Variants in PARVB observed in about 807,000 individuals in gnomAD.
PARVB encodes the protein parvin beta.
Under a neutral mutation model 47.0 loss-of-function variants are expected in PARVB, and 46 were observed. That is an observed-to-expected ratio of 0.98 (90% CI 0.77 to 1.25). The LOEUF (loss-of-function observed/expected upper bound fraction) is 1.25, where lower values mean the gene tolerates loss of function less well. Ranked by LOEUF, PARVB falls within the 50% of genes most tolerant of loss-of-function variation. The pLI, the probability that PARVB is intolerant of heterozygous loss-of-function variation, is 0.00. For synonymous variants in PARVB, 196 were observed against 196.3 expected (o/e 1.00, Z 0.01); for missense variants, 473 against 471.6 (o/e 1.00, Z -0.03).
intron 1 of PARVB, among the ~76,000 whole-genome samples, chr22:44,031,144 G>A (rs1443480913): frequency 1.3e-5 from 2 of 152,156 alleles, no homozygotes; most frequent in African/African-American, 4.8e-5. Context: ...GTTTGGGGAT[G>A]GACAGCTGTT....
At chr22:44,138,553 C>T (rs943698830) in intron 7 of PARVB, among the ~76,000 whole-genome samples, 15 of 152,164 alleles carry the variant, frequency 9.9e-5, no homozygotes, top group African/African-American at 2.2e-4. Context: ...GAGGCTCTGA[C>T]GGAACATTTG....
chr22:44,129,205 G>A (rs1012949880), intron 4 of PARVB, among the ~76,000 whole-genome samples: 3 of 152,332 alleles, frequency 2.0e-5, no homozygotes, highest in Non-Finnish European at 2.9e-5. Context: ...TGCACAGAGG[G>A]AGACCAAGTA....
At chr22:44,144,662 G>A (rs1394243211) in intron 8 of PARVB, 1 of 152,248 alleles carries the variant, frequency 6.6e-6, no homozygotes, top group Admixed American at 6.5e-5. Flanking sequence ...GCCAGGTGTG[G>A]TGGTGCATGC....
At chr22:44,067,412 A>G (rs1039856872) in intron 1 of PARVB, among the ~76,000 whole-genome samples, 4 of 152,106 alleles carry the variant, frequency 2.6e-5, no homozygotes, top group Non-Finnish European at 5.9e-5. Context: ...ATCCTCTGTT[A>G]TTTCTGCCTC....
At chr22:44,135,873 CTCTG>C (rs2053431023) in intron 6 of PARVB, among the ~76,000 whole-genome samples, 1 of 152,208 alleles carries the variant, frequency 6.6e-6, no homozygotes, top group African/African-American at 2.4e-5. Context: ...GGCCTCCTCC[CTCTG>C]TCTGTTTCTG....
intron 1 of PARVB, among the ~76,000 whole-genome samples, chr22:44,042,084 C>G (rs1366491114): frequency 6.6e-6 from 1 of 152,038 alleles, no homozygotes; most frequent in African/African-American, 2.4e-5. Context: ...AAATAATAAA[C>G]ATACAATGAG....
intron 10 of PARVB, among the ~76,000 whole-genome samples, chr22:44,154,726 C>G (rs2053886441): frequency 8.3e-6 from 1 of 120,772 alleles, no homozygotes; most frequent in Admixed American, 9.1e-5. Flanking sequence ...GTTAAGTAGT[C>G]TGTGTGGTGT....
rs1418591705 is a variant in PARVB, at chr22:44,049,420, G to A, written c.112+24969G>A. On this transcript the variant is annotated intron_variant, in intron 1 of 12. Coordinates refer to ENST00000338758, the MANE Select transcript of PARVB (RefSeq NM_013327.5). This position sits in a 1 kb window ranked among gnomAD's most constrained non-coding sequence, Gnocchi z 4.0. The stretch of plus-strand genomic sequence containing the variant: ...TTAGCTCCTGTCTGATTAAATTTGA[G>A]GTTCGTTTCTCAAGTTTAGCTCTTG... Among the ~76,000 whole-genome samples, 2 of 152,202 alleles carry A rather than the reference G, an allele frequency of 1.3e-5. No individual in the cohort carries two copies. The highest frequency in any genetic ancestry group is 4.8e-5 in the African/African-American group (2 of 41,454).
chr22:44,030,935 G>T (rs1053262567), intron 1 of PARVB, among the ~76,000 whole-genome samples: 10 of 152,142 alleles, frequency 6.6e-5, no homozygotes, highest in African/African-American at 2.4e-4. Context: ...GGGAGTGGCT[G>T]GTCCGAAGTT....
At chr22:44,032,134 C>T (rs983008964) in intron 1 of PARVB, among the ~76,000 whole-genome samples, 1 of 152,170 alleles carries the variant, frequency 6.6e-6, no homozygotes, top group Non-Finnish European at 1.5e-5. Flanking sequence ...TAAAAGAAGG[C>T]GGACACAATG....
upstream of PARVB, among the ~76,000 whole-genome samples, chr22:44,021,146 G>A (rs1219359321): frequency 2.6e-5 from 4 of 152,166 alleles, no homozygotes; most frequent in Admixed American, 6.5e-5. Flanking sequence ...CAACCATGTC[G>A]AAGTGTGATT....
At chr22:44,046,180 A>T (rs1360372994) in intron 1 of PARVB, among the ~76,000 whole-genome samples, 1 of 152,164 alleles carries the variant, frequency 6.6e-6, no homozygotes, top group Non-Finnish European at 1.5e-5. Flanking sequence ...TGCTGTTGTC[A>T]GTGGGATTGT....
chr22:44,009,513 G>A (rs928573360), intron 2 of PARVB: 2 of 151,900 alleles, frequency 1.3e-5, no homozygotes, highest in Non-Finnish European at 1.5e-5. Flanking sequence ...ATTCCCCATT[G>A]ACAAAGTATT....
At position 44,113,457 on chromosome 22, in the gene PARVB, T is replaced by G. The variant is rs1452510183; in HGVS notation, c.274-5581T>G. 2 of 62,744 alleles carry G rather than the reference T, an allele frequency of 3.2e-5. 1 individual carries two copies. Among genetic ancestry groups the G allele is most frequent in the Non-Finnish European group, 5.9e-5 (2 of 34,028 alleles). The allele number at this position is 62,744 out of a possible 1,614,324, so 3.9% of individuals were successfully genotyped here. ...GCCCTGTACCAACACAGATACATTG[T>G]TACTAACTAAGGCCCTGCACCAACA... On this transcript the variant is annotated intron_variant, in intron 3 of 12. Coordinates refer to ENST00000338758, the MANE Select transcript of PARVB (RefSeq NM_013327.5).
chr22:44,073,124 A>G (rs2051690672), intron 1 of PARVB, among the ~76,000 whole-genome samples: 1 of 152,220 alleles, frequency 6.6e-6, no homozygotes, highest in Non-Finnish European at 1.5e-5. Flanking sequence ...AATGCAAACT[A>G]GGCCCAATCT....
At chr22:44,135,666 C>G (rs190811613) in intron 6 of PARVB, among the ~76,000 whole-genome samples, 1 of 152,308 alleles carries the variant, frequency 6.6e-6, no homozygotes, top group East Asian at 1.9e-4. Context: ...CTTAAAACAG[C>G]AGACATTTAT....
chr22:44,063,044 A>G (rs542730129), intron 1 of PARVB, among the ~76,000 whole-genome samples: 1 of 152,262 alleles, frequency 6.6e-6, no homozygotes, highest in East Asian at 1.9e-4. Context: ...GAGTCACCTC[A>G]TTAGAATAAA....
chr22:44,040,031 G>C (rs2050990450), intron 1 of PARVB: 3 of 284,984 alleles, frequency 1.1e-5, no homozygotes, highest in South Asian at 8.3e-5. Context: ...TGTGGTGGTT[G>C]CCTCTGGGGC....
At chr22:44,063,231 CTT>C (rs71188427) in intron 1 of PARVB, among the ~76,000 whole-genome samples, 8 of 143,944 alleles carry the variant, frequency 5.6e-5, no homozygotes, top group Admixed American at 7.0e-5. Flanking sequence ...CTTTTCTTTT[CTT>C]TTTTTTTTTT....
Sources: gnomAD v4.1 joint callset for allele counts (sites outside exome capture counted in the v4.1 genomes callset) on GRCh38, gnomAD v4.1.1 for gene constraint, Gnocchi (gnomAD v3.1) non-coding constraint, MANE v1.5 for transcripts, NCBI Gene and HGNC (gene_info 2026-07-23, HGNC 2026-07-21) for gene names.